The following NAV2 variants were observed in gnomAD, a reference collection of about 807,000 sequenced individuals.
NAV2 encodes neuron navigator 2, also known as helicase, APC down-regulated 1.
A neutral mutation model predicts 223.2 loss-of-function variants in NAV2; 54 were observed. The ratio of observed to expected loss-of-function variants is 0.24; its 90% CI spans 0.19 to 0.30. NAV2 has a LOEUF of 0.30. Ranked by LOEUF, NAV2 falls within the 10% of genes least tolerant of loss-of-function variation. The pLI is 1.00. For missense variants in NAV2, 2,806 were observed against 3,147.5 expected (o/e 0.89, Z 2.60); for synonymous variants, 1,279 against 1,239.3 (o/e 1.03, Z -0.67).
Position 19,713,948 on chromosome 11 carries a change from G to A in NAV2, c.253G>A (p.Gly85Arg), listed in dbSNP as rs2050053951. 2 of 1,613,086 alleles carry A rather than the reference G, an allele frequency of 1.2e-6. No individual in the cohort carries two copies. Among genetic ancestry groups the A allele is most frequent in the Non-Finnish European group, 1.7e-6 (2 of 1,179,914 alleles). The change falls in exon 1 of 38, where the codon GGG (glycine) becomes AGG (arginine). Residue 85 changes from glycine (G) to arginine (R), a missense_variant. By Grantham distance (125) the Gly-to-Arg change is moderately radical. Transcript: ENST00000349880. The surrounding 1 kb of genome is among the most constrained non-coding windows in gnomAD (Gnocchi z 7.2). ...GCGGAAGAGCGGCTCGGTGGAAAAC[G>A]GGTTCGATACCCAGGTGAGAGATGC... ...PLRKSGSVENGFDTQIYTDWA... is the reference protein window; with the variant it reads ...PLRKSGSVENRFDTQIYTDWA...
chr11:19,762,165 C>T (rs1048832030), intron 1 of NAV2, among the ~76,000 whole-genome samples: 1 of 152,202 alleles, frequency 6.6e-6, no homozygotes, highest in Non-Finnish European at 1.5e-5. Flanking sequence ...ATCACTGGAA[C>T]CCGGAAGGTG....
chr11:20,120,620 G>GTCAT lies in NAV2; in HGVS notation c.*2365_*2368dup, dbSNP rs2063427335. The GTCAT allele has an allele frequency of 6.7e-6, 1 of 149,934 alleles. No individual in the cohort carries two copies. Among genetic ancestry groups the GTCAT allele is most frequent in the South Asian group, 2.1e-4 (1 of 4,786 alleles). The allele number at this position is 149,934 out of a possible 1,614,324, so 9.3% of individuals were successfully genotyped here. ...TTTTTTTAATATGACATCCTCTCTTGTCATTCTCTTCTCCCCTTTCCCACA... is the reference window on the plus strand; with the variant it reads ...TTTTTTTAATATGACATCCTCTCTTGTCATTCATTCTCTTCTCCCCTTTCCCACA... On this transcript the variant is annotated 3_prime_UTR_variant, in exon 38 of 38. Coordinates refer to ENST00000349880, the MANE Select transcript of NAV2 (RefSeq NM_145117.5).
intron 1 of NAV2, among the ~76,000 whole-genome samples, chr11:19,790,074 C>T (rs1353826820): frequency 6.6e-6 from 1 of 152,156 alleles, no homozygotes; most frequent in Non-Finnish European, 1.5e-5. Context: ...TGGTAAATTG[C>T]CCAGGATTTC....
At chr11:19,960,221 C>A (rs1038558530) in intron 10 of NAV2, among the ~76,000 whole-genome samples, 7 of 152,076 alleles carry the variant, frequency 4.6e-5, no homozygotes, top group Non-Finnish European at 1.0e-4. Context: ...AGGTTCTTAC[C>A]AGGGGCCCAT....
intron 1 of NAV2, among the ~76,000 whole-genome samples, chr11:19,789,897 G>GT (rs1384573826): frequency 6.6e-6 from 1 of 152,202 alleles, no homozygotes; most frequent in Non-Finnish European, 1.5e-5. Context: ...ATCCTGCAAA[G>GT]TCCCGACTTC....
At chr11:19,399,188 G>A (rs565635186) in intron 1 of NAV2, among the ~76,000 whole-genome samples, 1 of 152,260 alleles carries the variant, frequency 6.6e-6, no homozygotes, top group African/African-American at 2.4e-5. Flanking sequence ...ACACAGTTCT[G>A]TGTTCCCCTG....
At chr11:19,371,951 T>C (rs940321625) in intron 1 of NAV2, among the ~76,000 whole-genome samples, 4 of 152,046 alleles carry the variant, frequency 2.6e-5, no homozygotes, top group Non-Finnish European at 5.9e-5. Flanking sequence ...CTAATTTTTG[T>C]ATTTTTTAGT....
At chr11:19,669,786 AG>A (rs1032852318) in intron 1 of NAV2, among the ~76,000 whole-genome samples, 6 of 152,186 alleles carry the variant, frequency 3.9e-5, no homozygotes, top group African/African-American at 1.4e-4. Flanking sequence ...TGCCCTTTTA[AG>A]GACAAGTGCC....
chr11:19,914,133 A>G (rs1362436815), intron 6 of NAV2, among the ~76,000 whole-genome samples: 1 of 152,256 alleles, frequency 6.6e-6, no homozygotes, highest in Non-Finnish European at 1.5e-5. Flanking sequence ...GGCAAACACT[A>G]TGAATGAGAA....
intron 1 of NAV2, among the ~76,000 whole-genome samples, chr11:19,830,227 G>GA (rs932786995): frequency 3.3e-5 from 5 of 152,004 alleles, no homozygotes; most frequent in East Asian, 1.9e-4. Flanking sequence ...TCTGTCTTGG[G>GA]AAAAAATAAA....
At chr11:19,883,800 T>C (rs1426300163) in intron 5 of NAV2, among the ~76,000 whole-genome samples, 1 of 152,208 alleles carries the variant, frequency 6.6e-6, no homozygotes, top group Non-Finnish European at 1.5e-5. Context: ...AATGGTCATT[T>C]CTATAGCATT....
chr11:19,871,992 A>G (rs1227025145), intron 4 of NAV2, among the ~76,000 whole-genome samples: 1 of 152,146 alleles, frequency 6.6e-6, no homozygotes, highest in African/African-American at 2.4e-5. Flanking sequence ...ACATTCTGTC[A>G]TCTAGATCTT....
intron 1 of NAV2, among the ~76,000 whole-genome samples, chr11:19,574,228 G>C (rs76571133): frequency 0.015 from 2,318 of 152,268 alleles, 64 homozygotes; most frequent in African/African-American, 0.052. Context: ...TCCCAAACTT[G>C]TTGGGAAAAT....
intron 3 of NAV2, among the ~76,000 whole-genome samples, chr11:19,857,822 A>G (rs150146139): frequency 8.6e-4 from 131 of 152,332 alleles, no homozygotes; most frequent in African/African-American, 2.5e-3. Flanking sequence ...GTTGCCATGC[A>G]TGCTATACCT....
rs777818154 is a variant in NAV2 at position 20,080,133 on chromosome 11, T to A, written c.5249T>A (p.Ile1750Asn). The change falls in exon 25 of 38, where the codon ATC becomes AAC. Residue 1750 changes from isoleucine to asparagine, a missense_variant. Physicochemically the swap from Ile to Asn is moderately radical, Grantham distance 149. Coordinates refer to ENST00000349880, the MANE Select transcript of NAV2 (RefSeq NM_145117.5). Reference sequence around the variant, plus strand: ...CACTCCTCAGACAGCGTCTCCAGCATCAACAGTGCCACCAGCCACTCCAGC... The same window carrying A: ...CACTCCTCAGACAGCGTCTCCAGCAACAACAGTGCCACCAGCCACTCCAGC... ...RQHSSDSVSS[I>N]NSATSHSSVG... 1 of 1,614,002 alleles carries A rather than the reference T, an allele frequency of 6.2e-7. No homozygotes were observed. The highest frequency in any genetic ancestry group is 8.5e-7 in the Non-Finnish European group (1 of 1,179,966).
intron 14 of NAV2, among the ~76,000 whole-genome samples, chr11:20,046,335 C>CAA (rs778055012): frequency 4.1e-4 from 39 of 94,968 alleles, no homozygotes; most frequent in Non-Finnish European, 7.7e-4. Flanking sequence ...GACTCCATCT[C>CAA]AAAAAAAAAA....
At chr11:19,694,418 C>G (rs2049268610) in intron 1 of NAV2, among the ~76,000 whole-genome samples, 3 of 152,194 alleles carry the variant, frequency 2.0e-5, no homozygotes, top group African/African-American at 7.2e-5. Flanking sequence ...TCATTAGAAG[C>G]AAAGCACAGG....
At chr11:19,894,887 C>T (rs1488645111) in intron 6 of NAV2, among the ~76,000 whole-genome samples, 2 of 151,968 alleles carry the variant, frequency 1.3e-5, no homozygotes, top group African/African-American at 2.4e-5. Context: ...TGTGCCACCA[C>T]GCCCGGCTAA....
chr11:19,990,889 G>A (rs747511376), intron 11 of NAV2, among the ~76,000 whole-genome samples: 14 of 152,204 alleles, frequency 9.2e-5, no homozygotes, highest in Non-Finnish European at 1.9e-4. Flanking sequence ...AGCACTGATA[G>A]AAACCATCAC....
Sources: allele counts gnomAD v4.1 joint callset (sites outside exome capture counted in the v4.1 genomes callset), GRCh38; gene constraint gnomAD v4.1.1; non-coding constraint Gnocchi (gnomAD v3.1); transcripts MANE v1.5; gene names NCBI Gene and HGNC (gene_info 2026-07-23, HGNC 2026-07-21).